Variants in CCDC60 observed in about 807,000 individuals in gnomAD.
The protein encoded by CCDC60 is coiled-coil domain containing 60.
CCDC60 carries 54 observed loss-of-function variants against 63.5 expected under a neutral mutation model. The observed-to-expected ratio is 0.85, with a 90% confidence interval of 0.68 to 1.07. The LOEUF (loss-of-function observed/expected upper bound fraction) is 1.07, where lower values mean the gene tolerates loss of function less well. Ranked by LOEUF, CCDC60 falls within the 50% of genes least tolerant of loss-of-function variation. The probability of loss-of-function intolerance (pLI) is 0.00; values close to 1 mark genes in which losing one functional copy is unlikely to be tolerated. For missense variants in CCDC60, 651 were observed against 684.3 expected, an observed-to-expected ratio of 0.95 and a Z score of 0.54; for synonymous variants, 206 against 238.8, an observed-to-expected ratio of 0.86 and a Z score of 1.27.
At chr12:119,520,458 A>G (rs192078342) in intron 9 of CCDC60, among the ~76,000 whole-genome samples, 157 of 151,698 alleles carry the variant, frequency 1.0e-3, no homozygotes, top group African/African-American at 3.7e-3. Context: ...GTACAAGACT[A>G]TGTCTCTTTC....
chr12:119,533,074 C>CATTTT (rs1952902370), intron 13 of CCDC60, among the ~76,000 whole-genome samples: 1 of 152,162 alleles, frequency 6.6e-6, no homozygotes, highest in Non-Finnish European at 1.5e-5. Flanking sequence ...TCCTCTCCAG[C>CATTTT]ATTTATTGTT....
chr12:119,535,075 T>C (rs1952964390), intron 13 of CCDC60, among the ~76,000 whole-genome samples: 1 of 152,214 alleles, frequency 6.6e-6, no homozygotes. Flanking sequence ...AGGCTATTAA[T>C]TACTGCCTCA....
At chr12:119,446,015 C>G (rs1207343815) in intron 2 of CCDC60, among the ~76,000 whole-genome samples, 2 of 152,032 alleles carry the variant, frequency 1.3e-5, no homozygotes, top group Non-Finnish European at 2.9e-5. Flanking sequence ...TCACAGATCA[C>G]CACTAAAGAA....
In CCDC60 at chr12:119,428,857, TC is replaced by T. The variant is rs894426557; in HGVS notation, c.170+100del. 1.3e-4 allele frequency: 98 copies of T among 756,826 alleles called. 1 individual carries two copies. Among genetic ancestry groups the T allele is most frequent in the Admixed American group, 4.5e-4 (21 of 46,428 alleles). The allele number at this position is 756,826 out of a possible 1,614,324, so 46.9% of individuals were successfully genotyped here. A position where few individuals can be genotyped will look rare whatever the true frequency, so the allele number is the denominator to read the frequency against. ...TACAAGTCCTTGCCCAGTCCCAGCA[TC>T]CCCCAATTCTGAACACTAAGCAGAA... On this transcript the variant is annotated intron_variant, in intron 2 of 13. Coordinates refer to ENST00000327554, the MANE Select transcript of CCDC60 (RefSeq NM_178499.5).
chr12:119,489,711 A>G (rs1031931160), intron 5 of CCDC60, among the ~76,000 whole-genome samples: 2 of 152,150 alleles, frequency 1.3e-5, no homozygotes, highest in African/African-American at 4.8e-5. Context: ...GGCTGAGTTA[A>G]ATAAAATAGT....
At chr12:119,458,378 T>C (rs2136298747) in intron 2 of CCDC60, among the ~76,000 whole-genome samples, 1 of 152,362 alleles carries the variant, frequency 6.6e-6, no homozygotes, top group South Asian at 2.1e-4. Context: ...CTGGAAAATG[T>C]AAGTGAAAAC....
chr12:119,484,564 ACTGT>A (rs986975506), intron 4 of CCDC60, among the ~76,000 whole-genome samples: 1 of 151,836 alleles, frequency 6.6e-6, no homozygotes, highest in Non-Finnish European at 1.5e-5. Context: ...AAATACAAAA[ACTGT>A]CTGGGCAGGT....
At chr12:119,347,881 A>G (rs1198651783) in intron 1 of CCDC60, among the ~76,000 whole-genome samples, 1 of 152,204 alleles carries the variant, frequency 6.6e-6, no homozygotes, top group Non-Finnish European at 1.5e-5. Context: ...ATCTCTTAAT[A>G]TTCTCCTTCA....
intron 2 of CCDC60, among the ~76,000 whole-genome samples, chr12:119,450,874 G>GAC (rs1950621359): frequency 6.7e-6 from 1 of 149,846 alleles, no homozygotes. Flanking sequence ...AAAAAAGAGA[G>GAC]AGAGAGAGAG....
intron 2 of CCDC60, among the ~76,000 whole-genome samples, chr12:119,453,904 A>T (rs1313353564): frequency 6.6e-6 from 1 of 152,144 alleles, no homozygotes; most frequent in Non-Finnish European, 1.5e-5. Context: ...GATTGTGATG[A>T]TGATGATGAT....
intron 1 of CCDC60, among the ~76,000 whole-genome samples, chr12:119,399,539 A>C (rs1211688873): frequency 6.6e-6 from 1 of 152,192 alleles, no homozygotes. Context: ...TGTCGGGTGC[A>C]GACCTCATCT....
chr12:119,460,291 C>T (rs773110226), intron 2 of CCDC60, among the ~76,000 whole-genome samples: 2 of 152,194 alleles, frequency 1.3e-5, no homozygotes, highest in Admixed American at 6.5e-5. Flanking sequence ...CTACTCCAGG[C>T]CATCTTTCTT....
At chr12:119,360,543 C>T (rs1308933005) in intron 1 of CCDC60, among the ~76,000 whole-genome samples, 10 of 150,492 alleles carry the variant, frequency 6.6e-5, no homozygotes, top group Non-Finnish European at 1.0e-4. Context: ...GACGGGGCGG[C>T]CGGGCGGAGA....
At chr12:119,415,341 C>G (rs1365904078) in intron 1 of CCDC60, among the ~76,000 whole-genome samples, 1 of 152,128 alleles carries the variant, frequency 6.6e-6, no homozygotes, top group African/African-American at 2.4e-5. Context: ...GTGCAAAGAC[C>G]CTGTGATCAG....
intron 1 of CCDC60, among the ~76,000 whole-genome samples, chr12:119,348,913 A>G (rs1311067595): frequency 3.3e-5 from 5 of 152,242 alleles, no homozygotes; most frequent in Non-Finnish European, 5.9e-5. Context: ...TTATATAGCC[A>G]TGATCATGAT....
At chr12:119,493,861 T>C (rs1173843844) in intron 5 of CCDC60, among the ~76,000 whole-genome samples, 1 of 152,184 alleles carries the variant, frequency 6.6e-6, no homozygotes, top group East Asian at 1.9e-4. Context: ...GTTTTGTTTT[T>C]GCATTTTAAA....
intron 1 of CCDC60, among the ~76,000 whole-genome samples, chr12:119,398,199 TG>T (rs1956317409): frequency 2.7e-5 from 4 of 147,518 alleles, no homozygotes; most frequent in Non-Finnish European, 6.0e-5. Context: ...GGGAGGTGGC[TG>T]AGGCCTGGCA....
intron 1 of CCDC60, among the ~76,000 whole-genome samples, chr12:119,401,478 G>C (rs1956391079): frequency 6.6e-6 from 1 of 152,208 alleles, no homozygotes; most frequent in Non-Finnish European, 1.5e-5. Flanking sequence ...CCCCGAAGGA[G>C]CTCAGATCTA....
intron 13 of CCDC60, among the ~76,000 whole-genome samples, chr12:119,537,627 C>T (rs1953042247): frequency 1.3e-5 from 2 of 152,088 alleles, no homozygotes; most frequent in South Asian, 4.1e-4. Context: ...GATGTTGATG[C>T]TATTCCTTTC....
Sources: allele counts gnomAD v4.1 joint callset (sites outside exome capture counted in the v4.1 genomes callset), GRCh38; gene constraint gnomAD v4.1.1; transcripts MANE v1.5; gene names NCBI Gene and HGNC (gene_info 2026-07-23, HGNC 2026-07-21).